LYRM4: variants seen among roughly 807,000 people sequenced by gnomAD.
LYRM4 encodes the protein LYR motif containing 4, also known as LYR motif-containing protein 4.
LYRM4 carries 9 observed loss-of-function variants against 11.7 expected under a neutral mutation model. The ratio of observed to expected loss-of-function variants is 0.77; its 90% CI spans 0.46 to 1.34. The LOEUF is 1.34. Ranked by LOEUF, LYRM4 falls within the 40% of genes most tolerant of loss-of-function variation. LYRM4 has a pLI of 0.00. For missense variants in LYRM4, 133 were observed against 112.5 expected (o/e 1.18, Z -0.82); for synonymous variants, 42 against 40.4 (o/e 1.04, Z -0.15).
the LYRM4 span, among the ~76,000 whole-genome samples, chr6:5,092,180 G>A: frequency 3.9e-5 from 6 of 152,252 alleles, no homozygotes; most frequent in South Asian, 2.1e-4. Context: ...TTGAGGAAGC[G>A]TCCACTCTGG....
At chr6:5,086,546 C>T in the LYRM4 span, 4 of 1,526,258 alleles carry the variant, frequency 2.6e-6, no homozygotes, top group Non-Finnish European at 2.6e-6. Context: ...TACGCGCGCC[C>T]TGCGGACGCG....
Position 5,227,907 on chromosome 6 carries a change from C to T in LYRM4, c.87-11169G>A, listed in dbSNP as rs867941552. 7.9e-5 allele frequency among the ~76,000 whole-genome samples: 12 copies of T among 152,290 alleles called. No homozygotes were observed. The South Asian group carries it at 2.3e-3, about 29-fold the overall frequency. On this transcript the variant is annotated intron_variant, in intron 1 of 2. Coordinates refer to ENST00000330636, the MANE Select transcript of LYRM4 (RefSeq NM_020408.6). The stretch of plus-strand genomic sequence containing the variant: ...AACAGAAAACCAAACACCACATGTT[C>T]GCACTCGTAAGTGGGAGCTGAACAA...
intron 1 of LYRM4, among the ~76,000 whole-genome samples, chr6:5,255,055 T>C (rs1372209596): frequency 6.6e-6 from 1 of 152,126 alleles, no homozygotes; most frequent in Non-Finnish European, 1.5e-5. Context: ...TGGATATTGC[T>C]TAGACAAGCC....
At chr6:5,231,075 G>A (rs1027646207) in intron 1 of LYRM4, among the ~76,000 whole-genome samples, 13 of 152,236 alleles carry the variant, frequency 8.5e-5, no homozygotes, top group African/African-American at 2.6e-4. Context: ...TTAGGAGTTC[G>A]AGAACAGTCT....
rs112683679 is a variant in LYRM4 at position 5,158,799 on chromosome 6, T to C, written c.208-49308A>G. Among the ~76,000 whole-genome samples the C allele has an allele frequency of 3.7e-3, 561 of 152,294 alleles. 3 individuals carry two copies. The highest frequency in any genetic ancestry group is 0.013 in the African/African-American group (537 of 41,556). On this transcript the variant is annotated intron_variant, in intron 2 of 2. Coordinates refer to ENST00000330636, the MANE Select transcript of LYRM4 (RefSeq NM_020408.6). The stretch of plus-strand genomic sequence containing the variant: ...AGTCTGCAGGTCTTGAGGTCATGTC[T>C]GTCAAGCAGAAATCTAGAGTGGCAG...
chr6:5,189,135 C>A (rs1460194344), intron 2 of LYRM4, among the ~76,000 whole-genome samples: 1 of 152,206 alleles, frequency 6.6e-6, no homozygotes, highest in African/African-American at 2.4e-5. Flanking sequence ...GTATTACATA[C>A]AATTGTTATT....
At chr6:5,077,016 C>T in the LYRM4 span, among the ~76,000 whole-genome samples, 3 of 152,180 alleles carry the variant, frequency 2.0e-5, no homozygotes, top group South Asian at 2.1e-4. Flanking sequence ...GGAGCTTCCT[C>T]GAAGGCTCCC....
chr6:5,048,119 G>T, the LYRM4 span, among the ~76,000 whole-genome samples: 1 of 152,150 alleles, frequency 6.6e-6, no homozygotes, highest in Admixed American at 6.5e-5. Flanking sequence ...TTAAAGTTAT[G>T]AGCATTCGTA....
the LYRM4 span, among the ~76,000 whole-genome samples, chr6:5,044,574 G>T: frequency 1.3e-5 from 2 of 152,154 alleles, no homozygotes; most frequent in Non-Finnish European, 2.9e-5. Context: ...CGTGTTTGTT[G>T]GATTTGTTTC....
At chr6:5,040,676 T>C in the LYRM4 span, among the ~76,000 whole-genome samples, 1 of 152,192 alleles carries the variant, frequency 6.6e-6, no homozygotes, top group Non-Finnish European at 1.5e-5. Flanking sequence ...AAAGAAAAGA[T>C]AAATGTTTAA....
At chr6:5,158,135 G>A (rs4960071) in intron 2 of LYRM4, among the ~76,000 whole-genome samples, 9,137 of 152,288 alleles carry the variant, frequency 0.06, 376 homozygotes, top group Middle Eastern at 0.12. Flanking sequence ...ATGTCTGTGC[G>A]TGTGTGTACA....
At chr6:5,157,229 T>C (rs141927564) in intron 2 of LYRM4, among the ~76,000 whole-genome samples, 8 of 152,334 alleles carry the variant, frequency 5.3e-5, no homozygotes, top group African/African-American at 1.9e-4. Flanking sequence ...AGGAATAACC[T>C]AGTGTGGCGA....
chr6:5,253,567 C>T (rs2773314), intron 1 of LYRM4, among the ~76,000 whole-genome samples: 43,639 of 152,018 alleles, frequency 0.29, 7,906 homozygotes, highest in African/African-American at 0.52. Flanking sequence ...TGCGACAACT[C>T]ATTTGGCCTA....
the LYRM4 span, among the ~76,000 whole-genome samples, chr6:5,075,206 A>T: frequency 6.6e-6 from 1 of 152,198 alleles, no homozygotes; most frequent in African/African-American, 2.4e-5. Flanking sequence ...TTTATAAATT[A>T]TCCAGTCTCA....
At chr6:5,242,843 G>T (rs966081062) in intron 1 of LYRM4, among the ~76,000 whole-genome samples, 1 of 146,852 alleles carries the variant, frequency 6.8e-6, no homozygotes, top group African/African-American at 2.5e-5. Context: ...GCGCAATCTC[G>T]GCTCACTGCA....
chr6:5,158,728 C>T (rs1350372168), intron 2 of LYRM4, among the ~76,000 whole-genome samples: 1 of 152,122 alleles, frequency 6.6e-6, no homozygotes, highest in East Asian at 1.9e-4. Flanking sequence ...CCACCTTGGC[C>T]TCCCAAAGTG....
chr6:5,207,691 C>T (rs540729098), intron 2 of LYRM4, among the ~76,000 whole-genome samples: 2 of 152,248 alleles, frequency 1.3e-5, no homozygotes, highest in East Asian at 1.9e-4. Flanking sequence ...GCAAATACTT[C>T]TTAAATAAGG....
chr6:5,200,006 A>G (rs1026130507), intron 2 of LYRM4, among the ~76,000 whole-genome samples: 1 of 152,186 alleles, frequency 6.6e-6, no homozygotes, highest in African/African-American at 2.4e-5. Flanking sequence ...AATTTTACAT[A>G]TGTCTTTCTT....
chr6:5,240,085 C>T (rs1294879419), intron 1 of LYRM4, among the ~76,000 whole-genome samples: 1 of 152,144 alleles, frequency 6.6e-6, no homozygotes, highest in Admixed American at 6.5e-5. Context: ...CCACAGGCTT[C>T]GAAGACATCA....
Sources: allele counts gnomAD v4.1 joint callset (sites outside exome capture counted in the v4.1 genomes callset), GRCh38; gene constraint gnomAD v4.1.1; transcripts MANE v1.5; gene names NCBI Gene and HGNC (gene_info 2026-07-23, HGNC 2026-07-21).